SIAH3: variants seen among roughly 807,000 people sequenced by gnomAD.
SIAH3 encodes the protein siah E3 ubiquitin protein ligase family member 3.
In SIAH3, 9 loss-of-function variants were observed where a neutral mutation model predicts 12.6. That is an observed-to-expected ratio of 0.72 (90% CI 0.43 to 1.25). The LOEUF (loss-of-function observed/expected upper bound fraction) is 1.25. Among genes scored for constraint, SIAH3 ranks in the 50% most tolerant of loss-of-function variants. SIAH3 has a pLI of 0.00. For missense variants in SIAH3, 390 were observed against 365.4 expected (o/e 1.07, Z -0.55); for synonymous variants, 154 against 151.1 (o/e 1.02, Z -0.14).
Position 45,827,301 on chromosome 13 carries a change from CA to C in SIAH3, c.135+24193del, listed in dbSNP as rs372899569. 4.3e-4 allele frequency among the ~76,000 whole-genome samples: 66 copies of C among 152,284 alleles called. No homozygotes were observed. In the East Asian group the frequency reaches 0.012, roughly 28 times the overall value. Reference sequence around the variant, plus strand: ...GGAGCTGCAGCCAGTGTCTTGCAAACACGAGGCAGCAAATGCAAAGGAAAGG... The same window carrying C: ...GGAGCTGCAGCCAGTGTCTTGCAAACCGAGGCAGCAAATGCAAAGGAAAGG... On this transcript the variant is annotated intron_variant, in intron 1 of 1. Coordinates refer to ENST00000400405, the MANE Select transcript of SIAH3 (RefSeq NM_198849.3).
At chr13:45,811,794 G>C (rs544645488) in intron 1 of SIAH3, among the ~76,000 whole-genome samples, 1 of 152,158 alleles carries the variant, frequency 6.6e-6, no homozygotes. Flanking sequence ...CCTCAGCCAG[G>C]CTTCTTCATT....
Position 45,779,164 on chromosome 13 carries a change from G to A in SIAH3, c.*4219C>T, listed in dbSNP as rs948990215. The stretch of plus-strand genomic sequence containing the variant: ...TATATAGTATGTTCATCATACAGAT[G>A]TGATAGATGTAAATAACCCCAGGAG... On this transcript the variant is annotated 3_prime_UTR_variant, in exon 2 of 2. Transcript: ENST00000400405. 6.6e-6 allele frequency: 1 copy of A among 152,198 alleles called. No individual in the cohort carries two copies. Among genetic ancestry groups the A allele is most frequent in the Admixed American group, 6.5e-5 (1 of 15,288 alleles). The allele number at this position is 152,198 out of a possible 1,614,324, so 9.4% of individuals were successfully genotyped here. A position where few individuals can be genotyped will look rare whatever the true frequency, so the allele number is the denominator to read the frequency against.
rs1346354301 is a variant in SIAH3, at chr13:45,778,021, C to T, written c.*5362G>A. On this transcript the variant is annotated 3_prime_UTR_variant, in exon 2 of 2. Coordinates refer to ENST00000400405, the MANE Select transcript of SIAH3 (RefSeq NM_198849.3). ...GTAGGCTATGGATTGTGAACAGGGT[C>T]CTTACTGGGTTGCAAAAAAGTGAGG... 3 of 152,152 alleles carry T rather than the reference C, an allele frequency of 2.0e-5. No individual in the cohort carries two copies. The highest frequency in any genetic ancestry group is 4.4e-5 in the Non-Finnish European group (3 of 68,048). The allele number at this position is 152,152 out of a possible 1,614,324, so 9.4% of individuals were successfully genotyped here. A position where few individuals can be genotyped will look rare whatever the true frequency, so the allele number is the denominator to read the frequency against.
At position 45,803,524 on chromosome 13, in the gene SIAH3, G is replaced by T. The variant is rs144132194; in HGVS notation, c.136-19467C>A. ...GAAGGTCTCATGGAGGAGGTCGTAA[G>T]TGAGCTGGGCCTTGAAGGATGAATG... On this transcript the variant is annotated intron_variant, in intron 1 of 1. Transcript: ENST00000400405. Among the ~76,000 whole-genome samples the T allele has an allele frequency of 1.1e-3, 167 of 152,340 alleles. 4 individuals are homozygous for T. The East Asian group carries it at 0.025, about 23-fold the overall frequency.
chr13:45,802,108 C>A (rs905326530), intron 1 of SIAH3, among the ~76,000 whole-genome samples: 13 of 152,038 alleles, frequency 8.6e-5, no homozygotes, highest in African/African-American at 3.1e-4. Flanking sequence ...GAGTTTGAGA[C>A]CAGCCTGGCC....
Position 45,783,174 on chromosome 13 carries a change from T to C in SIAH3, c.*209A>G, listed in dbSNP as rs1950511452. ...CAGGACAAACATCACACCAAGATCTTAAATTACAGGATGTTTACATAATAT... is the reference window on the plus strand; with the variant it reads ...CAGGACAAACATCACACCAAGATCTCAAATTACAGGATGTTTACATAATAT... On this transcript the variant is annotated 3_prime_UTR_variant, in exon 2 of 2. Coordinates refer to ENST00000400405, the MANE Select transcript of SIAH3 (RefSeq NM_198849.3). 2.1e-5 allele frequency: 7 copies of C among 336,470 alleles called. No individual in the cohort carries two copies. Among genetic ancestry groups the C allele is most frequent in the Non-Finnish European group, 3.7e-5 (7 of 190,858 alleles). The allele number at this position is 336,470 out of a possible 1,614,324, so 20.8% of individuals were successfully genotyped here.
At chr13:45,849,336 G>A (rs1037585602) in intron 1 of SIAH3, among the ~76,000 whole-genome samples, 13 of 152,188 alleles carry the variant, frequency 8.5e-5, no homozygotes, top group African/African-American at 2.9e-4. Context: ...TCCTCTCAAA[G>A]CATACGTCAT....
intron 1 of SIAH3, among the ~76,000 whole-genome samples, chr13:45,810,296 T>C (rs1247714174): frequency 6.6e-6 from 1 of 152,144 alleles, no homozygotes; most frequent in Non-Finnish European, 1.5e-5. Flanking sequence ...ATGGATGAAG[T>C]CCTGTTCAGC....
At chr13:45,809,530 G>C (rs141410330) in intron 1 of SIAH3, among the ~76,000 whole-genome samples, 1,595 of 152,252 alleles carry the variant, frequency 0.01, 12 homozygotes, top group Non-Finnish European at 0.018. Context: ...TCTCTAGCCT[G>C]GCTAAGATTG....
In SIAH3 at chr13:45,795,288, T is replaced by C. The variant is rs187801038; in HGVS notation, c.136-11231A>G. On this transcript the variant is annotated intron_variant, in intron 1 of 1. Transcript: ENST00000400405. Reference sequence around the variant, plus strand: ...ACACAAAGAAACCCAGAGACCCTTGTTGCCACAAGCATTTAAGGATGATGT... The same window carrying C: ...ACACAAAGAAACCCAGAGACCCTTGCTGCCACAAGCATTTAAGGATGATGT... Among the ~76,000 whole-genome samples the C allele has an allele frequency of 5.9e-3, 906 of 152,332 alleles. 2 individuals carry two copies. Among genetic ancestry groups the C allele is most frequent in the Admixed American group, 0.011 (161 of 15,298 alleles).
At chr13:45,792,824 G>C (rs539118563) in intron 1 of SIAH3, among the ~76,000 whole-genome samples, 55 of 152,312 alleles carry the variant, frequency 3.6e-4, no homozygotes, top group African/African-American at 1.3e-3. Context: ...ACCACATACA[G>C]GAATGCTGCC....
At chr13:45,842,601 G>T (rs1422036566) in intron 1 of SIAH3, among the ~76,000 whole-genome samples, 1 of 152,164 alleles carries the variant, frequency 6.6e-6, no homozygotes, top group Non-Finnish European at 1.5e-5. Context: ...TTCTGCCTCA[G>T]CCTCCCAAAC....
At chr13:45,847,732 C>T (rs1950765537) in intron 1 of SIAH3, among the ~76,000 whole-genome samples, 1 of 151,688 alleles carries the variant, frequency 6.6e-6, no homozygotes, top group African/African-American at 2.4e-5. Context: ...TCAGAGAGGG[C>T]CTCATGGAAG....
intron 1 of SIAH3, among the ~76,000 whole-genome samples, chr13:45,793,817 A>C (rs1256047175): frequency 6.6e-6 from 1 of 152,244 alleles, no homozygotes; most frequent in African/African-American, 2.4e-5. Flanking sequence ...TGTGAATGTG[A>C]TCTTACTTGC....
At chr13:45,814,122 C>A (rs1210442735) in intron 1 of SIAH3, among the ~76,000 whole-genome samples, 1 of 151,506 alleles carries the variant, frequency 6.6e-6, no homozygotes, top group South Asian at 2.1e-4. Context: ...ACCTGTAGTC[C>A]CAGCTACTCG....
At chr13:45,819,737 G>A (rs1250976482) in intron 1 of SIAH3, among the ~76,000 whole-genome samples, 2 of 152,182 alleles carry the variant, frequency 1.3e-5, no homozygotes, top group Non-Finnish European at 2.9e-5. Flanking sequence ...CTCCAGGGCT[G>A]TGACTTAGAT....
intron 1 of SIAH3, among the ~76,000 whole-genome samples, chr13:45,802,489 C>T (rs140690231): frequency 6.6e-6 from 1 of 152,064 alleles, no homozygotes; most frequent in African/African-American, 2.4e-5. Flanking sequence ...GACCCCTGAG[C>T]AGAAAGGATA....
intron 1 of SIAH3, 68 bp from the exon 2 acceptor site, chr13:45,784,125 T>C: frequency 7.1e-7 from 1 of 1,412,680 alleles, no homozygotes; most frequent in Non-Finnish European, 9.6e-7. Flanking sequence ...ACTCCCCTGA[T>C]GTTCAAAGTG....
intron 1 of SIAH3, among the ~76,000 whole-genome samples, chr13:45,829,332 G>T (rs1416623584): frequency 2.0e-5 from 3 of 152,206 alleles, no homozygotes; most frequent in Non-Finnish European, 2.9e-5. Flanking sequence ...GCTGGGTGCA[G>T]TGGCTCACAC....
Sources: gnomAD v4.1 joint callset for allele counts (sites outside exome capture counted in the v4.1 genomes callset) on GRCh38, gnomAD v4.1.1 for gene constraint, MANE v1.5 for transcripts, NCBI Gene and HGNC (gene_info 2026-07-23, HGNC 2026-07-21) for gene names.